Variants in APBB3 observed in about 807,000 individuals in gnomAD.
APBB3 encodes the protein amyloid beta precursor protein binding family B member 3.
A neutral mutation model predicts 61.5 loss-of-function variants in APBB3; 50 were observed. That is an observed-to-expected ratio of 0.81 (90% confidence interval 0.65 to 1.03). The LOEUF (loss-of-function observed/expected upper bound fraction) is 1.03. Among genes scored for constraint, APBB3 ranks in the 50% least tolerant of loss-of-function variants. The pLI is 0.00. For missense variants in APBB3, 550 were observed against 637.4 expected (o/e 0.86, Z 1.48); for synonymous variants, 235 against 233.0 (o/e 1.01, Z -0.08).
In APBB3 at chr5:140,562,880, CG is replaced by C. The variant is rs1755026038; in HGVS notation, c.291-158del. On this transcript the variant is annotated intron_variant, in intron 3 of 12. Coordinates refer to ENST00000357560, the MANE Select transcript of APBB3 (RefSeq NM_133173.3). ...CAGGGTAGAGCCCAGGACATATTAA[CG>C]TAACATAAAGTGTGACTCAGAATTT... The C allele has an allele frequency of 6.1e-6, 4 of 661,022 alleles. No homozygotes were observed. The East Asian group carries it at 1.1e-4, about 18-fold the overall frequency. 40.9% of individuals were successfully genotyped at this position (661,022 alleles called of 1,614,324 possible). A position where few individuals can be genotyped will look rare whatever the true frequency, so the allele number is the denominator to read the frequency against.
rs1000786513 is a variant in APBB3 at position 140,564,451 on chromosome 5, T to C, written c.-206A>G. ...AGCCGCACAGCCCGCCCAGGGGTGG[T>C]GCGTGTAAACGGGCGTCTGGATCCC... On this transcript the variant is annotated 5_prime_UTR_variant, in exon 1 of 13. Transcript: ENST00000357560. The surrounding 1 kb of genome is among the most constrained non-coding windows in gnomAD (Gnocchi z 5.0). 1.4e-4 allele frequency: 88 copies of C among 608,712 alleles called. No individual in the cohort carries two copies. Among genetic ancestry groups the C allele is most frequent in the Non-Finnish European group, 2.3e-4 (80 of 351,474 alleles). 37.7% of individuals were successfully genotyped at this position (608,712 alleles called of 1,614,324 possible).
rs975274061 is a variant in APBB3, at chr5:140,561,564, C to T, written c.747+23G>A. On this transcript the variant is annotated intron_variant, in intron 8 of 12. Transcript: ENST00000357560. ...CAGACCCAACCCCTTACCCACATTCCCTGCCCCACCCCTGACACTTACCTG... is the reference window on the plus strand; with the variant it reads ...CAGACCCAACCCCTTACCCACATTCTCTGCCCCACCCCTGACACTTACCTG... 9.3e-6 allele frequency: 15 copies of T among 1,613,852 alleles called. No individual in the cohort carries two copies. The African/African-American group carries it at 1.2e-4, about 13-fold the overall frequency.
chr5:140,560,467 C>G lies in APBB3; in HGVS notation c.1070G>C (p.Cys357Ser), dbSNP rs1217833263. 11 of 1,613,976 alleles carry G rather than the reference C, an allele frequency of 6.8e-6. No homozygotes were observed. The Admixed American group carries it at 1.8e-4, about 27-fold the overall frequency. The change falls in exon 12 of 13, where the codon TGC (cysteine) becomes TCC (serine). Residue 357 changes from cysteine (C) to serine (S), a missense_variant. Cys to Ser is a moderately radical substitution (Grantham distance 112). Around this residue, in one of 3 missense-constraint regions of APBB3, gnomAD observed 405 missense variants for 483.4 expected, o/e 0.84. Transcript: ENST00000357560. This position sits in a 1 kb window ranked among gnomAD's most constrained non-coding sequence, Gnocchi z 5.1. The stretch of plus-strand genomic sequence containing the variant: ...AATAAATGTCACAAGGCGCACAGGG[C>G]ACTGCCACAATGGCTCCTCCTCTGT... The part of the protein sequence containing the change: ...ASTEEEPLWQ[C>S]PVRLVTFIGV...
At position 140,560,216 on chromosome 5, in the gene APBB3, T is replaced by C. The variant is rs1754882041; in HGVS notation, c.1224+97A>G. The C allele has an allele frequency of 7.2e-7, 1 of 1,382,120 alleles. No individual in the cohort carries two copies. The highest frequency in any genetic ancestry group is 9.9e-7 in the Non-Finnish European group (1 of 1,008,928). 85.6% of individuals were successfully genotyped at this position (1,382,120 alleles called of 1,614,324 possible). A position where few individuals can be genotyped will look rare whatever the true frequency, so the allele number is the denominator to read the frequency against. ...TTAATGAACCAGAATCAGCCCAGGTTTGTGATCTCTGAAGAGGCTGCCGAC... is the reference window on the plus strand; with the variant it reads ...TTAATGAACCAGAATCAGCCCAGGTCTGTGATCTCTGAAGAGGCTGCCGAC... On this transcript the variant is annotated intron_variant, in intron 12 of 12. Transcript: ENST00000357560. The surrounding 1 kb of genome is among the most constrained non-coding windows in gnomAD (Gnocchi z 5.1).
rs1045676586 is a variant in APBB3 at position 140,560,292 on chromosome 5, C to A, written c.1224+21G>T. ...GCAGCTGCAGGGCAATCCCACCAAC[C>A]CATTCCCACCCATGACTCACCATAC... On this transcript the variant is annotated intron_variant, in intron 12 of 12. Coordinates refer to ENST00000357560, the MANE Select transcript of APBB3 (RefSeq NM_133173.3). This position sits in a 1 kb window ranked among gnomAD's most constrained non-coding sequence, Gnocchi z 5.1. The A allele has an allele frequency of 6.2e-7, 1 of 1,606,764 alleles. No homozygotes were observed. Among genetic ancestry groups the A allele is most frequent in the Non-Finnish European group, 8.5e-7 (1 of 1,174,394 alleles).
rs1755118155 is a variant in APBB3 at position 140,564,368 on chromosome 5, G to A, written c.-123C>T. 5 of 1,227,810 alleles carry A rather than the reference G, an allele frequency of 4.1e-6. No individual in the cohort carries two copies. The highest frequency in any genetic ancestry group is 5.7e-6 in the Non-Finnish European group (5 of 870,352). 76.1% of individuals were successfully genotyped at this position (1,227,810 alleles called of 1,614,324 possible). ...GCAGGCTGCGGGGCCAGCTGGCGCCGCACAAATACGGGGCGGGACACGGGG... is the reference window on the plus strand; with the variant it reads ...GCAGGCTGCGGGGCCAGCTGGCGCCACACAAATACGGGGCGGGACACGGGG... On this transcript the variant is annotated 5_prime_UTR_variant, in exon 1 of 13. Coordinates refer to ENST00000357560, the MANE Select transcript of APBB3 (RefSeq NM_133173.3). This position sits in a 1 kb window ranked among gnomAD's most constrained non-coding sequence, Gnocchi z 5.0.
At position 140,560,738 on chromosome 5, in the gene APBB3, G is replaced by C. The variant is rs751415485; in HGVS notation, c.933C>G (p.Asn311Lys). ...TGGCGGTGAGGGTACCAATGGCCTCGTTCAGCACATCCATGCCTGGGGGAA... is the reference window on the plus strand; with the variant it reads ...TGGCGGTGAGGGTACCAATGGCCTCCTTCAGCACATCCATGCCTGGGGGAA... ...VTKAMGMDVL[N>K]EAIGTLTARG... The change falls in exon 11 of 13, where the codon AAC becomes AAG. Residue 311 changes from asparagine to lysine, a missense_variant. Physicochemically the swap from Asn to Lys is moderately conservative, Grantham distance 94. Transcript: ENST00000357560. The surrounding 1 kb of genome is among the most constrained non-coding windows in gnomAD (Gnocchi z 5.1). 2 of 1,614,070 alleles carry C rather than the reference G, an allele frequency of 1.2e-6. No homozygotes were observed. The highest frequency in any genetic ancestry group is 1.1e-5 in the South Asian group (1 of 91,078).
Position 140,564,267 on chromosome 5 carries a change from G to A in APBB3, c.-22C>T, listed in dbSNP as rs765255366. The A allele has an allele frequency of 3.1e-6, 5 of 1,605,870 alleles. No individual in the cohort carries two copies. The highest frequency in any genetic ancestry group is 4.5e-5 in the East Asian group (2 of 44,872). ...GCATAACCCCGGCTGCTCCCCGCCA[G>A]CCTCTGCCGGCCCGCACTCTCAGCC... On this transcript the variant is annotated 5_prime_UTR_variant, in exon 1 of 13. Coordinates refer to ENST00000357560, the MANE Select transcript of APBB3 (RefSeq NM_133173.3). The surrounding 1 kb of genome is among the most constrained non-coding windows in gnomAD (Gnocchi z 5.0).
At position 140,561,527 on chromosome 5, in the gene APBB3, C is replaced by T. The variant is rs569151874; in HGVS notation, c.747+60G>A. ...AAAAGGGCCAATACCACCCCAACTA[C>T]CTTGGAAGCTTCAGACCCAACCCCT... On this transcript the variant is annotated intron_variant, in intron 8 of 12. Transcript: ENST00000357560. The T allele has an allele frequency of 2.2e-5, 36 of 1,613,340 alleles. No individual in the cohort carries two copies. The African/African-American group carries it at 3.5e-4, about 16-fold the overall frequency.
chr5:140,560,711 C>G lies in APBB3; in HGVS notation c.960G>C (p.Arg320Ser), dbSNP rs760112419. 2.5e-6 allele frequency: 4 copies of G among 1,614,158 alleles called. No individual in the cohort carries two copies. The Admixed American group carries it at 5.0e-5, about 20-fold the overall frequency. ...TGGGGACCCAGGCATTCCGGTCCCC[C>G]CTGGCGGTGAGGGTACCAATGGCCT... ...LNEAIGTLTA[R>S]GDRNAWVPTM... The change falls in exon 11 of 13, where the codon AGG (arginine) becomes AGC (serine). Residue 320 changes from arginine (R) to serine (S), a missense_variant. By Grantham distance (110) the Arg-to-Ser change is moderately radical. This residue lies in a region of APBB3 where 405 missense variants were observed against 483.4 expected (regional missense o/e 0.84). Coordinates refer to ENST00000357560, the MANE Select transcript of APBB3 (RefSeq NM_133173.3). This position sits in a 1 kb window ranked among gnomAD's most constrained non-coding sequence, Gnocchi z 5.1.
Position 140,561,708 on chromosome 5 carries a change from G to A in APBB3, c.633-7C>T. ...TGCCACAAAAGCGAAGTCCCTAGCA[G>A]GGGCAGAGATGGGGCTGGGGTAGAA... On this transcript the variant is annotated splice_region_variant and splice_polypyrimidine_tract_variant and intron_variant, in intron 7 of 12. Transcript: ENST00000357560. 6.2e-7 allele frequency: 1 copy of A among 1,614,194 alleles called. No individual in the cohort carries two copies. The highest frequency in any genetic ancestry group is 8.5e-7 in the Non-Finnish European group (1 of 1,180,022).
intron 4 of APBB3, 54 bp from the exon 5 acceptor site, chr5:140,562,553 G>T: frequency 6.2e-7 from 1 of 1,609,842 alleles, no homozygotes; most frequent in East Asian, 2.2e-5. Flanking sequence ...AGGGTGGCAG[G>T]TGCCACAATA....
chr5:140,561,735 C>T (rs1325238264), intron 7 of APBB3, 34 bp from the exon 8 acceptor site: 1 of 1,613,928 alleles, frequency 6.2e-7, no homozygotes, highest in African/African-American at 1.3e-5. Context: ...GGGGTAGAAG[C>T]TGGTTAGAGG....
chr5:140,563,974 T>C (rs925035657), intron 1 of APBB3, 59 bp from the exon 2 acceptor site: 14 of 1,587,944 alleles, frequency 8.8e-6, no homozygotes, highest in Non-Finnish European at 1.2e-5. Flanking sequence ...CAGAATAACA[T>C]GCTGTCATAA....
rs1374183234 is a variant in APBB3, at chr5:140,564,198, A to G, written c.48T>C (p.Asp16=). ...CCCACCGGGCCCCTCCGTGCACACC[A>G]TCGCAGTTGACCAGAATGATGGCCA... The part of the protein sequence containing the change: ...YMLAIILVNC[D]DDLWGDHSLE... Residue 16 remains aspartate (D), a splice_region_variant and synonymous_variant, in exon 1 of 13, where the codon GAT becomes GAC. Coordinates refer to ENST00000357560, the MANE Select transcript of APBB3 (RefSeq NM_133173.3). The surrounding 1 kb of genome is among the most constrained non-coding windows in gnomAD (Gnocchi z 5.0). 2.5e-6 allele frequency: 4 copies of G among 1,613,822 alleles called. No individual in the cohort carries two copies. Among genetic ancestry groups the G allele is most frequent in the East Asian group, 4.5e-5 (2 of 44,886 alleles).
rs938894178 is a variant in APBB3 at position 140,560,672 on chromosome 5, C to T, written c.999G>A (p.Val333=). 18 of 1,614,194 alleles carry T rather than the reference C, an allele frequency of 1.1e-5. No homozygotes were observed. The highest frequency in any genetic ancestry group is 1.3e-5 in the African/African-American group (1 of 75,038). Residue 333 remains valine, a synonymous_variant, in exon 11 of 13, where the codon GTG becomes GTA. Transcript: ENST00000357560. This position sits in a 1 kb window ranked among gnomAD's most constrained non-coding sequence, Gnocchi z 5.1. ...GGTGTGCAGTCATGAGAGAGTCAGACACACTGAGCATGGTGGGGACCCAGG... is the reference window on the plus strand; with the variant it reads ...GGTGTGCAGTCATGAGAGAGTCAGATACACTGAGCATGGTGGGGACCCAGG... ...RNAWVPTMLS[V]SDSLMTAHPI...
chr5:140,558,892 A>G, intron 12 of APBB3, 71 bp from the exon 13 acceptor site: 3 of 1,403,542 alleles, frequency 2.1e-6, no homozygotes, highest in Non-Finnish European at 2.0e-6. Context: ...TCTGCAGGAC[A>G]GGGAACTGGC....
Position 140,564,131 on chromosome 5 carries a change from T to C in APBB3, c.49+66A>G. 6.2e-7 allele frequency: 1 copy of C among 1,606,404 alleles called. No homozygotes were observed. The highest frequency in any genetic ancestry group is 8.5e-7 in the Non-Finnish European group (1 of 1,174,616). On this transcript the variant is annotated intron_variant, in intron 1 of 12. Transcript: ENST00000357560. This position sits in a 1 kb window ranked among gnomAD's most constrained non-coding sequence, Gnocchi z 5.0. The stretch of plus-strand genomic sequence containing the variant: ...CCCCCACCGTCTTTGAGCCCCAGAG[T>C]AGCCTTTCGGATTCCCTCGTCCTCC...
rs1266455963 is a variant in APBB3, at chr5:140,561,461, T to G, written c.748-12A>C. 2 of 1,613,978 alleles carry G rather than the reference T, an allele frequency of 1.2e-6. No homozygotes were observed. The highest frequency in any genetic ancestry group is 1.3e-5 in the African/African-American group (1 of 74,958). On this transcript the variant is annotated splice_polypyrimidine_tract_variant and intron_variant, in intron 8 of 12. Coordinates refer to ENST00000357560, the MANE Select transcript of APBB3 (RefSeq NM_133173.3). Reference sequence around the variant, plus strand: ...CGCTCTGACAAGATCTAAAACACAATGAAGCCAGCATGACCCACAGGGAGA... The same window carrying G: ...CGCTCTGACAAGATCTAAAACACAAGGAAGCCAGCATGACCCACAGGGAGA...
Sources: gnomAD v4.1 joint callset for allele counts on GRCh38, gnomAD v4.1.1 for gene constraint, gnomAD v4.1.1 regional missense constraint, Gnocchi (gnomAD v3.1) non-coding constraint, MANE v1.5 for transcripts, NCBI Gene and HGNC (gene_info 2026-07-23, HGNC 2026-07-21) for gene names.